Variants in PITPNC1 observed in about 807,000 individuals in gnomAD.
PITPNC1 encodes phosphatidylinositol transfer protein cytoplasmic 1.
A neutral mutation model predicts 44.7 loss-of-function variants in PITPNC1; 18 were observed. The ratio of observed to expected loss-of-function variants is 0.40; its 90% CI spans 0.28 to 0.60. PITPNC1 has a LOEUF of 0.60. Ranked by LOEUF, PITPNC1 falls within the 20% of genes least tolerant of loss-of-function variation. PITPNC1 has a pLI of 0.39. For synonymous variants in PITPNC1, 141 were observed against 149.6 expected (o/e 0.94, Z 0.42); for missense variants, 290 against 418.4 (o/e 0.69, Z 2.68).
In PITPNC1 at chr17:67,377,311, T is replaced by G. The variant is rs1459171756; in HGVS notation, c.-844T>G. 1 of 152,166 alleles carries G rather than the reference T, an allele frequency of 6.6e-6. No homozygotes were observed. The highest frequency in any genetic ancestry group is 1.5e-5 in the Non-Finnish European group (1 of 68,046). The allele number at this position is 152,166 out of a possible 1,614,324, so 9.4% of individuals were successfully genotyped here. A position where few individuals can be genotyped will look rare whatever the true frequency, so the allele number is the denominator to read the frequency against. The stretch of plus-strand genomic sequence containing the variant: ...ACCCACCTCCCGGCCCCAGGCACAC[T>G]GCATCGGCGCGGACGCTCCGGCCCC... On this transcript the variant is annotated 5_prime_UTR_variant, in exon 1 of 9. Transcript: ENST00000581322.
intron 1 of PITPNC1, among the ~76,000 whole-genome samples, chr17:67,501,123 T>G (rs1285070473): frequency 1.3e-5 from 2 of 152,236 alleles, no homozygotes; most frequent in Admixed American, 1.3e-4. Context: ...ACTGCAGGTC[T>G]AGGTGCTAAT....
rs71139144 is a variant in PITPNC1, at chr17:67,424,085, CAAAAA to C, written c.48+45901_48+45905del. ...CCTAGGCAACAGTGGGAGACTGTCT[CAAAAA>C]AAAAAAAAAAAAAAAAATAGAGTTG... On this transcript the variant is annotated intron_variant, in intron 1 of 8. Transcript: ENST00000581322. Among the ~76,000 whole-genome samples the C allele has an allele frequency of 1.4e-3, 108 of 76,096 alleles. 1 individual carries two copies. The highest frequency in any genetic ancestry group is 3.9e-3 in the African/African-American group (77 of 19,650). The allele number at this position is 76,096 out of a possible 152,430, so 49.9% of individuals were successfully genotyped here.
intron 1 of PITPNC1, among the ~76,000 whole-genome samples, chr17:67,473,928 G>C (rs938976138): frequency 6.6e-6 from 1 of 152,144 alleles, no homozygotes; most frequent in African/African-American, 2.4e-5. Flanking sequence ...TTCTGTAAGG[G>C]AAATTTGTTT....
At chr17:67,651,793 G>C (rs2042212326) in intron 6 of PITPNC1, among the ~76,000 whole-genome samples, 1 of 152,116 alleles carries the variant, frequency 6.6e-6, no homozygotes, top group Non-Finnish European at 1.5e-5. Context: ...TATGAATAGG[G>C]TCACTTAATA....
chr17:67,395,348 T>C (rs981693596), intron 1 of PITPNC1, among the ~76,000 whole-genome samples: 13 of 152,006 alleles, frequency 8.6e-5, no homozygotes, highest in Non-Finnish European at 4.4e-5. Flanking sequence ...GGTGTCTTGT[T>C]ACATTGCCCA....
chr17:67,537,803 C>G (rs1005757387), intron 2 of PITPNC1, among the ~76,000 whole-genome samples: 3 of 85,244 alleles, frequency 3.5e-5, no homozygotes, highest in African/African-American at 1.3e-4. Context: ...AACCCCGTCT[C>G]TACTAAAAAT....
chr17:67,608,017 A>G (rs1336373465), intron 5 of PITPNC1, among the ~76,000 whole-genome samples: 5 of 152,022 alleles, frequency 3.3e-5, no homozygotes, highest in African/African-American at 9.7e-5. Context: ...GGCATGAGCC[A>G]CCGGCCCCGG....
At chr17:67,686,146 G>A (rs2042811265) in intron 8 of PITPNC1, among the ~76,000 whole-genome samples, 1 of 151,222 alleles carries the variant, frequency 6.6e-6, no homozygotes, top group African/African-American at 2.4e-5. Flanking sequence ...ATTTTTATCA[G>A]TTGGATTAAG....
intron 1 of PITPNC1, among the ~76,000 whole-genome samples, chr17:67,397,291 T>C (rs932285184): frequency 3.3e-5 from 5 of 152,122 alleles, no homozygotes; most frequent in African/African-American, 9.7e-5. Context: ...GTGACCATCT[T>C]ATTTTTTTAA....
chr17:67,490,054 C>G (rs761785567), intron 1 of PITPNC1, among the ~76,000 whole-genome samples: 1 of 151,712 alleles, frequency 6.6e-6, no homozygotes. Flanking sequence ...TTCTTTGGAG[C>G]ATATCTTCAG....
intron 4 of PITPNC1, among the ~76,000 whole-genome samples, chr17:67,568,259 A>G (rs12942604): frequency 0.024 from 3,692 of 152,314 alleles, 65 homozygotes; most frequent in Middle Eastern, 0.054. Flanking sequence ...AAGACCACAT[A>G]TGATACACTT....
At chr17:67,542,270 C>A (rs988190804) in intron 2 of PITPNC1, among the ~76,000 whole-genome samples, 3 of 151,994 alleles carry the variant, frequency 2.0e-5, no homozygotes, top group Admixed American at 1.3e-4. Flanking sequence ...TATTTTGGAA[C>A]CAGGGAGATT....
chr17:67,474,838 A>G (rs2949919), intron 1 of PITPNC1, among the ~76,000 whole-genome samples: 75,476 of 150,286 alleles, frequency 0.5, 20,622 homozygotes, highest in African/African-American at 0.73. Flanking sequence ...TTTTTTCTTG[A>G]AGAGGGGGAC....
At chr17:67,468,400 CTT>C (rs139820910) in intron 1 of PITPNC1, among the ~76,000 whole-genome samples, 18,624 of 119,796 alleles carry the variant, frequency 0.16, 3,520 homozygotes, top group African/African-American at 0.48. Context: ...GCTTTCTTTC[CTT>C]TTTTTTTTTT....
intron 2 of PITPNC1, among the ~76,000 whole-genome samples, chr17:67,533,406 G>A (rs1792332454): frequency 2.0e-5 from 3 of 152,118 alleles, no homozygotes; most frequent in Admixed American, 6.6e-5. Context: ...GTGTTACAGC[G>A]AAATGTGATC....
intron 1 of PITPNC1, among the ~76,000 whole-genome samples, chr17:67,515,018 T>G (rs574487401): frequency 6.6e-6 from 1 of 152,330 alleles, no homozygotes; most frequent in African/African-American, 2.4e-5. Context: ...GTCTCCCAAC[T>G]GAAAACTCAT....
chr17:67,416,244 C>T (rs1024294361), intron 1 of PITPNC1, among the ~76,000 whole-genome samples: 1 of 116,504 alleles, frequency 8.6e-6, no homozygotes, highest in Non-Finnish European at 1.6e-5. Context: ...GAGTCTCGCT[C>T]TGTTGTCCAT....
rs1306834608 is a variant in PITPNC1, at chr17:67,425,260, CACAGAG to C, written c.48+47059_48+47064del. On this transcript the variant is annotated intron_variant, in intron 1 of 8. Coordinates refer to ENST00000581322, the MANE Select transcript of PITPNC1 (RefSeq NM_012417.4). ...ACACACACACACACACACACACACA[CACAGAG>C]GGAGAGAGAGAGAGAAATGACCTCT... 5.3e-3 allele frequency among the ~76,000 whole-genome samples: 640 copies of C among 121,618 alleles called. 14 individuals are homozygous for C. Among genetic ancestry groups the C allele is most frequent in the Middle Eastern group, 0.02 (4 of 198 alleles). 79.8% of individuals were successfully genotyped at this position (121,618 alleles called of 152,430 possible). A position where few individuals can be genotyped will look rare whatever the true frequency, so the allele number is the denominator to read the frequency against.
chr17:67,637,400 G>A (rs1169507352), intron 6 of PITPNC1, among the ~76,000 whole-genome samples: 5 of 152,070 alleles, frequency 3.3e-5, no homozygotes, highest in East Asian at 1.9e-4. Context: ...TGAGGAAGCC[G>A]GATGCTGATG....
Sources: gnomAD v4.1 joint callset for allele counts (sites outside exome capture counted in the v4.1 genomes callset) on GRCh38, gnomAD v4.1.1 for gene constraint, MANE v1.5 for transcripts, NCBI Gene and HGNC (gene_info 2026-07-23, HGNC 2026-07-21) for gene names.